Variants in WDPCP observed in about 807,000 individuals in gnomAD.
WDPCP encodes the protein WD repeat containing planar cell polarity effector.
In WDPCP, 71 loss-of-function variants were observed where a neutral mutation model predicts 93.1. That is an observed-to-expected ratio of 0.76 (90% CI 0.63 to 0.93). WDPCP has a LOEUF of 0.93. Ranked by LOEUF, WDPCP falls within the 40% of genes least tolerant of loss-of-function variation. The pLI is 0.00. For missense variants in WDPCP, 844 were observed against 887.4 expected (o/e 0.95, Z 0.62); for synonymous variants, 315 against 315.0 (o/e 1.00, Z 0.00).
intron 10 of WDPCP, among the ~76,000 whole-genome samples, chr2:63,388,090 CA>C (rs1692894135): frequency 6.6e-6 from 1 of 152,018 alleles, no homozygotes; most frequent in Non-Finnish European, 1.5e-5. Context: ...ATCAAACTAC[CA>C]ATGACATTCT....
intron 14 of WDPCP, among the ~76,000 whole-genome samples, chr2:63,225,146 G>A (rs904058695): frequency 2.0e-5 from 3 of 151,790 alleles, no homozygotes; most frequent in Admixed American, 1.3e-4. Flanking sequence ...TTGTTCTGCA[G>A]TACATACATT....
At chr2:63,599,435 AATT>A (rs1279084471) in intron 3 of WDPCP, 1 of 798,132 alleles carries the variant, frequency 1.3e-6, no homozygotes, top group African/African-American at 1.8e-5. Flanking sequence ...ATTAAAAGTA[AATT>A]ATTATTCATT....
chr2:63,469,576 C>T (rs1699575448), intron 6 of WDPCP, among the ~76,000 whole-genome samples: 1 of 152,158 alleles, frequency 6.6e-6, no homozygotes, highest in Non-Finnish European at 1.5e-5. Context: ...AGGCCATTAT[C>T]CTTAGCAAAC....
In WDPCP at chr2:63,368,302, ATTTATTTATTTATTT is replaced by A. The variant is rs1558527645; in HGVS notation, c.1748+10069_1748+10083del. Among the ~76,000 whole-genome samples, 105 of 43,014 alleles carry A rather than the reference ATTTATTTATTTATTT, an allele frequency of 2.4e-3. 1 individual carries two copies. The highest frequency in any genetic ancestry group is 0.02 in the African/African-American group (94 of 4,628). 28.2% of individuals were successfully genotyped at this position (43,014 alleles called of 152,430 possible). A position where few individuals can be genotyped will look rare whatever the true frequency, so the allele number is the denominator to read the frequency against. Reference sequence around the variant, plus strand: ...GTTCTACTAAGTTTATTTTTAATTTATTTATTTATTTATTTATTTATTTATTTATTTATTTATTTT... The same window carrying A: ...GTTCTACTAAGTTTATTTTTAATTTAATTTATTTATTTATTTATTTATTTT... On this transcript the variant is annotated intron_variant, in intron 12 of 17. Coordinates refer to ENST00000272321, the MANE Select transcript of WDPCP (RefSeq NM_015910.7).
intron 14 of WDPCP, 77 bp from the exon 15 acceptor site, chr2:63,174,909 A>T: frequency 6.8e-7 from 1 of 1,478,882 alleles, no homozygotes; most frequent in Non-Finnish European, 9.4e-7. Flanking sequence ...AGATTACAGA[A>T]CAACATTCAC....
In WDPCP at chr2:63,383,786, A is replaced by G. The variant is rs575852057; in HGVS notation, c.1436-1692T>C. ...TAATAATCAAGAGAATATGTAAGCA[A>G]AAAATCAGTAAGTATAGGAAATACT... On this transcript the variant is annotated intron_variant, in intron 10 of 17. Coordinates refer to ENST00000272321, the MANE Select transcript of WDPCP (RefSeq NM_015910.7). 1.0e-3 allele frequency among the ~76,000 whole-genome samples: 156 copies of G among 152,298 alleles called. 2 individuals are homozygous for G. The highest frequency in any genetic ancestry group is 3.4e-3 in the African/African-American group (142 of 41,572).
chr2:63,614,863 T>C (rs1709656247), intron 3 of WDPCP, among the ~76,000 whole-genome samples: 1 of 152,218 alleles, frequency 6.6e-6, no homozygotes. Context: ...TCATACCCTG[T>C]ATCCAATCAC....
At chr2:63,524,457 C>G (rs1331541920) in intron 1 of WDPCP, among the ~76,000 whole-genome samples, 1 of 152,138 alleles carries the variant, frequency 6.6e-6, no homozygotes, top group African/African-American at 2.4e-5. Context: ...CATACAACCA[C>G]AACTCTCTGA....
intron 17 of WDPCP, among the ~76,000 whole-genome samples, chr2:63,136,668 A>G (rs1002879072): frequency 6.6e-6 from 1 of 152,014 alleles, no homozygotes; most frequent in Non-Finnish European, 1.5e-5. Flanking sequence ...CCTAGTACCC[A>G]TTAGTTATTT....
intron 3 of WDPCP, among the ~76,000 whole-genome samples, chr2:63,649,259 G>T (rs1458530729): frequency 1.3e-5 from 2 of 152,054 alleles, no homozygotes; most frequent in Non-Finnish European, 2.9e-5. Context: ...GTCTATTCTG[G>T]ACATTTCATT....
intron 14 of WDPCP, among the ~76,000 whole-genome samples, chr2:63,247,659 A>G (rs1680389787): frequency 6.7e-6 from 1 of 149,016 alleles, no homozygotes; most frequent in Admixed American, 6.7e-5. Flanking sequence ...ATGTACCTGT[A>G]AATATTCCAA....
intron 12 of WDPCP, among the ~76,000 whole-genome samples, chr2:63,317,309 G>A (rs538037347): frequency 6.6e-6 from 1 of 151,826 alleles, no homozygotes; most frequent in East Asian, 1.9e-4. Context: ...TTGGGAAGCT[G>A]AGGCAGAAGA....
At chr2:63,571,462 G>T (rs1707498172) in intron 1 of WDPCP, 2 of 467,592 alleles carry the variant, frequency 4.3e-6, no homozygotes, top group Non-Finnish European at 4.4e-6. Context: ...AGCATTTCTT[G>T]CAGTGAAGGT....
At chr2:63,553,691 G>C (rs1035205127) in intron 1 of WDPCP, among the ~76,000 whole-genome samples, 3 of 151,932 alleles carry the variant, frequency 2.0e-5, no homozygotes, top group African/African-American at 7.3e-5. Context: ...TTGGGTCATA[G>C]GGATATTCAA....
chr2:63,790,130 T>C (rs968256602), intron 2 of WDPCP, among the ~76,000 whole-genome samples: 4 of 152,196 alleles, frequency 2.6e-5, no homozygotes, highest in African/African-American at 9.6e-5. Context: ...ATAATGGAGC[T>C]GCTTCTGAAG....
intron 17 of WDPCP, among the ~76,000 whole-genome samples, chr2:63,143,745 T>A (rs1671265743): frequency 6.6e-6 from 1 of 152,198 alleles, no homozygotes. Flanking sequence ...ATTGTTTTGT[T>A]TGAGGAGGCT....
At chr2:63,499,176 CA>C (rs1337881230) in intron 1 of WDPCP, among the ~76,000 whole-genome samples, 2 of 152,078 alleles carry the variant, frequency 1.3e-5, no homozygotes, top group East Asian at 3.9e-4. Context: ...AATATGGTAA[CA>C]TACACAATGG....
intron 6 of WDPCP, chr2:63,443,140 T>A (rs1033253): frequency 0.26 from 39,639 of 152,040 alleles, 6,222 homozygotes; most frequent in East Asian, 0.7. Context: ...ATATTTAGTA[T>A]ATCATATGAG....
chr2:63,438,643 G>A (rs1303917341), intron 7 of WDPCP, among the ~76,000 whole-genome samples: 1 of 152,106 alleles, frequency 6.6e-6, no homozygotes, highest in African/African-American at 2.4e-5. Context: ...AGGGAAAATG[G>A]CATGCTTACA....
Sources: gnomAD v4.1 joint callset for allele counts (sites outside exome capture counted in the v4.1 genomes callset) on GRCh38, gnomAD v4.1.1 for gene constraint, MANE v1.5 for transcripts, NCBI Gene and HGNC (gene_info 2026-07-23, HGNC 2026-07-21) for gene names.